ECT2: variants seen among roughly 807,000 people sequenced by gnomAD.
ECT2 encodes protein ECT2.
A neutral mutation model predicts 116.9 loss-of-function variants in ECT2; 61 were observed. The observed-to-expected ratio is 0.52, with a 90% confidence interval of 0.42 to 0.65. ECT2 has a LOEUF of 0.65. ECT2 is among the 30% of genes least tolerant of loss of function. The probability of loss-of-function intolerance (pLI) is 0.00; values close to 1 mark genes in which losing one functional copy is unlikely to be tolerated. For synonymous variants in ECT2, 358 were observed against 346.4 expected, an observed-to-expected ratio of 1.03 and a Z score of -0.37; for missense variants, 937 against 1,078.7, an observed-to-expected ratio of 0.87 and a Z score of 1.84.
chr3:172,820,240 C>A lies in ECT2; in HGVS notation c.*3C>A. ...GATCTACAACTCATTTGATATGAAG[C>A]GTTACCAAAATCTTAAATTATAGAA... On this transcript the variant is annotated 3_prime_UTR_variant, in exon 25 of 25. Transcript: ENST00000392692. 1.3e-6 allele frequency: 2 copies of A among 1,585,644 alleles called. No individual in the cohort carries two copies. The highest frequency in any genetic ancestry group is 1.4e-5 in the African/African-American group (1 of 73,762).
rs774738314 is a variant in ECT2 at position 172,760,121 on chromosome 3, C to A, written c.577-35C>A. 5.6e-6 allele frequency: 8 copies of A among 1,439,528 alleles called. No homozygotes were observed. The East Asian group carries it at 1.9e-4, about 35-fold the overall frequency. 89.2% of individuals were successfully genotyped at this position (1,439,528 alleles called of 1,614,324 possible). A position where few individuals can be genotyped will look rare whatever the true frequency, so the allele number is the denominator to read the frequency against. On this transcript the variant is annotated intron_variant, in intron 6 of 24. Transcript: ENST00000392692. ...TAGTTTAAAATTTTGTTCAAATTAA[C>A]CATAAAGTCAGTGTTGCTTAATTTT...
rs148537645 is a variant in ECT2 at position 172,760,581 on chromosome 3, C to T, written c.684+318C>T. On this transcript the variant is annotated intron_variant, in intron 7 of 24. Transcript: ENST00000392692. ...ACATACGTGAGCCACCAGGCCTGGC[C>T]GAGTGGTTAAGTTTTAAGTAGGCAA... 4.6e-5 allele frequency among the ~76,000 whole-genome samples: 7 copies of T among 151,316 alleles called. No individual in the cohort carries two copies. In the East Asian group the frequency reaches 9.7e-4, roughly 21 times the overall value.
At position 172,762,698 on chromosome 3, in the gene ECT2, A is replaced by G; in HGVS notation, c.897A>G (p.Lys299=). The part of the protein sequence containing the change: ...MEEMTEMQGG[K]YLPLGDERCT... The stretch of plus-strand genomic sequence containing the variant: ...ATGTGCATTCCTTTTTAGGAGGTAA[A>G]TATTTACCGCTTGGAGATGAAAGAT... Residue 299 remains lysine (K), a synonymous_variant, in exon 10 of 25, where the codon AAA becomes AAG. Coordinates refer to ENST00000392692, the MANE Select transcript of ECT2 (RefSeq NM_001258315.2). The G allele has an allele frequency of 1.2e-6, 2 of 1,606,968 alleles. No individual in the cohort carries two copies. Among genetic ancestry groups the G allele is most frequent in the Non-Finnish European group, 1.7e-6 (2 of 1,177,998 alleles).
At chr3:172,777,991 C>T (rs976833365) in intron 14 of ECT2, among the ~76,000 whole-genome samples, 2 of 152,174 alleles carry the variant, frequency 1.3e-5, no homozygotes, top group Non-Finnish European at 2.9e-5. Flanking sequence ...GCGTAAGCCT[C>T]AAAAGAATTG....
At chr3:172,805,389 C>T (rs1727500510) in intron 20 of ECT2, among the ~76,000 whole-genome samples, 1 of 152,212 alleles carries the variant, frequency 6.6e-6, no homozygotes, top group South Asian at 2.1e-4. Context: ...TGTTCCTCTT[C>T]TCCTGAATTC....
intron 18 of ECT2, among the ~76,000 whole-genome samples, 189 bp from the exon 19 acceptor site, chr3:172,802,427 T>G (rs542964734): frequency 2.0e-5 from 3 of 152,298 alleles, no homozygotes; most frequent in Admixed American, 6.5e-5. Flanking sequence ...GTTGCTTGTT[T>G]GTTTTCCTCA....
chr3:172,754,814 T>C (rs1716635943), intron 2 of ECT2, among the ~76,000 whole-genome samples, 154 bp downstream of exon 2: 2 of 152,222 alleles, frequency 1.3e-5, no homozygotes, highest in Admixed American at 1.3e-4. Flanking sequence ...CACTATGTCA[T>C]TTTTCTGATT....
chr3:172,787,754 T>C (rs1723865266), intron 18 of ECT2, among the ~76,000 whole-genome samples: 2 of 152,338 alleles, frequency 1.3e-5, no homozygotes, highest in African/African-American at 2.4e-5. Context: ...TGTTTTCATA[T>C]TTTTATAAAA....
Position 172,761,694 on chromosome 3 carries a change from A to G in ECT2, c.758+11A>G. On this transcript the variant is annotated intron_variant, in intron 8 of 24. Transcript: ENST00000392692. ...AAGGCGGAATGAACAGTAAGTGTTTAGAAACTCAGTAGTTCATTATGTAAA... is the reference window on the plus strand; with the variant it reads ...AAGGCGGAATGAACAGTAAGTGTTTGGAAACTCAGTAGTTCATTATGTAAA... 1 of 1,575,002 alleles carries G rather than the reference A, an allele frequency of 6.3e-7. No homozygotes were observed. The highest frequency in any genetic ancestry group is 8.7e-7 in the Non-Finnish European group (1 of 1,147,756).
intron 18 of ECT2, among the ~76,000 whole-genome samples, chr3:172,786,866 C>G (rs1490595413): frequency 3.3e-5 from 5 of 152,122 alleles, no homozygotes; most frequent in Non-Finnish European, 5.9e-5. Flanking sequence ...CTAGTCATAG[C>G]TTGTTTCTGT....
intron 13 of ECT2, among the ~76,000 whole-genome samples, chr3:172,772,614 A>T (rs1576898599): frequency 6.6e-6 from 1 of 152,074 alleles, no homozygotes; most frequent in Admixed American, 6.6e-5. Flanking sequence ...AGAAAAGTAA[A>T]TTTTTATTCA....
At chr3:172,823,094 C>T (rs143810709), downstream of ECT2, among the ~76,000 whole-genome samples, 420 of 151,952 alleles carry the variant, frequency 2.8e-3, 2 homozygotes, top group African/African-American at 9.2e-3. Flanking sequence ...AAATGGAGAG[C>T]GCTAACATGT....
chr3:172,764,225 G>A (rs537835855), intron 11 of ECT2, 53 bp from the exon 12 acceptor site: 13 of 1,485,150 alleles, frequency 8.8e-6, no homozygotes, highest in Non-Finnish European at 1.1e-5. Flanking sequence ...TCTTGTTCCT[G>A]TCTCAGTAAA....
intron 13 of ECT2, 37 bp from the exon 14 acceptor site, chr3:172,773,866 C>T (rs572124094): frequency 1.6e-5 from 26 of 1,591,270 alleles, no homozygotes; most frequent in South Asian, 1.2e-4. Flanking sequence ...TTTCTTTTTC[C>T]CACAATCTAC....
chr3:172,764,287 C>G lies in ECT2; in HGVS notation c.1078C>G (p.Pro360Ala). The G allele has an allele frequency of 6.2e-7, 1 of 1,614,050 alleles. No individual in the cohort carries two copies. Among genetic ancestry groups the G allele is most frequent in the Admixed American group, 1.7e-5 (1 of 60,022 alleles). The change falls in exon 12 of 25, where the codon CCT (proline) becomes GCT (alanine). Residue 360 changes from proline (P) to alanine (A), a missense_variant. Coordinates refer to ENST00000392692, the MANE Select transcript of ECT2 (RefSeq NM_001258315.2). ...GTGCTTTTGATTACAGGCAAATACT[C>G]CTGAGCTCAAGAAATCAGTGTCAAT... is the stretch of plus-strand genomic sequence containing the variant. ...TMYLYEKANT[P>A]ELKKSVSMLS...
chr3:172,783,639 A>G (rs1171152535), intron 15 of ECT2, among the ~76,000 whole-genome samples, 160 bp from the exon 16 acceptor site: 6 of 152,172 alleles, frequency 3.9e-5, no homozygotes, highest in Non-Finnish European at 1.5e-5. Context: ...CTTTACTGAG[A>G]AATTTATAAA....
chr3:172,795,137 G>A lies in ECT2; in HGVS notation c.1908-7479G>A, dbSNP rs559303070. On this transcript the variant is annotated intron_variant, in intron 18 of 24. Coordinates refer to ENST00000392692, the MANE Select transcript of ECT2 (RefSeq NM_001258315.2). ...GGTTTCTTGTTAAACTTATTCTTAA[G>A]TATTCTATTCTTTTTGATGCTATTG... is the stretch of plus-strand genomic sequence containing the variant. Among the ~76,000 whole-genome samples, 174 of 151,872 alleles carry A rather than the reference G, an allele frequency of 1.1e-3. 1 individual carries two copies. Among genetic ancestry groups the A allele is most frequent in the African/African-American group, 4.0e-3 (167 of 41,408 alleles).
chr3:172,756,371 T>G (rs1716987765), intron 4 of ECT2, among the ~76,000 whole-genome samples: 1 of 152,232 alleles, frequency 6.6e-6, no homozygotes, highest in Non-Finnish European at 1.5e-5. Context: ...TTTTCGTGGA[T>G]GTATAAAGTG....
chr3:172,828,999 A>C, the ECT2 span: 1 of 1,031,118 alleles, frequency 9.7e-7, no homozygotes, highest in Non-Finnish European at 1.5e-6. Context: ...CCCAGGAGAC[A>C]ACACTGGTCT....
Sources: gnomAD v4.1 joint callset for allele counts (sites outside exome capture counted in the v4.1 genomes callset) on GRCh38, gnomAD v4.1.1 for gene constraint, MANE v1.5 for transcripts, NCBI Gene and HGNC (gene_info 2026-07-23, HGNC 2026-07-21) for gene names.